ZNF532: variants seen among roughly 807,000 people sequenced by gnomAD.
ZNF532 encodes zinc finger protein 532.
A neutral mutation model predicts 89.3 loss-of-function variants in ZNF532; 22 were observed. The observed-to-expected ratio is 0.25, with a 90% confidence interval of 0.18 to 0.35. ZNF532 has a LOEUF of 0.35. ZNF532 is among the 10% of genes least tolerant of loss of function. The probability of loss-of-function intolerance (pLI) is 1.00; values close to 1 mark genes in which losing one functional copy is unlikely to be tolerated. For synonymous variants in ZNF532, 606 were observed against 649.6 expected (o/e 0.93, Z 1.02); for missense variants, 1,132 against 1,643.4 (o/e 0.69, Z 5.38).
At chr18:58,980,188 G>C (rs1266082575) in intron 8 of ZNF532, 2 of 152,208 alleles carry the variant, frequency 1.3e-5, no homozygotes, top group African/African-American at 4.8e-5. Context: ...GGAATCATCT[G>C]ATTCAGTGAA....
chr18:58,888,519 A>G (rs923291461), intron 2 of ZNF532, among the ~76,000 whole-genome samples: 1 of 149,846 alleles, frequency 6.7e-6, no homozygotes, highest in African/African-American at 2.5e-5. Context: ...CTACAAAAAT[A>G]CAAAAAATTA....
At chr18:58,969,193 C>T (rs1257558869) in intron 7 of ZNF532, among the ~76,000 whole-genome samples, 1 of 152,130 alleles carries the variant, frequency 6.6e-6, no homozygotes, top group Non-Finnish European at 1.5e-5. Flanking sequence ...GTGAGCTTTT[C>T]CACAGCCACC....
chr18:58,974,337 CTTA>C (rs1173993249), intron 7 of ZNF532, among the ~76,000 whole-genome samples: 2 of 152,266 alleles, frequency 1.3e-5, no homozygotes, highest in East Asian at 3.9e-4. Flanking sequence ...ACTTTCTCCG[CTTA>C]GTAGTTATGG....
intron 9 of ZNF532, among the ~76,000 whole-genome samples, chr18:58,982,762 G>A (rs2067958859): frequency 6.6e-6 from 1 of 152,122 alleles, no homozygotes; most frequent in South Asian, 2.1e-4. Flanking sequence ...CAGAATATAA[G>A]TCAGACTGAT....
At chr18:58,902,488 TCTC>T (rs1313100758) in intron 2 of ZNF532, among the ~76,000 whole-genome samples, 7 of 151,746 alleles carry the variant, frequency 4.6e-5, no homozygotes, top group Non-Finnish European at 1.0e-4. Context: ...AGGTGACCCT[TCTC>T]CTTCTTTTTT....
At chr18:58,940,985 C>G (rs1327474054) in intron 5 of ZNF532, among the ~76,000 whole-genome samples, 1 of 150,076 alleles carries the variant, frequency 6.7e-6, no homozygotes, top group Non-Finnish European at 1.5e-5. Flanking sequence ...CTCTCTCTCT[C>G]TCTCTCCTGG....
At position 58,920,609 on chromosome 18, in the gene ZNF532, G is replaced by T; in HGVS notation, c.2322G>T (p.Gln774His). 4.4e-6 allele frequency: 7 copies of T among 1,594,262 alleles called. No individual in the cohort carries two copies. Among genetic ancestry groups the T allele is most frequent in the Non-Finnish European group, 6.0e-6 (7 of 1,167,072 alleles). ...QDETSLATHF[Q>H]QAADTSGQKT... is the part of the protein sequence containing the mutation. Reference sequence around the variant, plus strand: ...AGACATCACTGGCTACACATTTCCAGCAGGCTGCAGATACGAGTGGACAAG... The same window carrying T: ...AGACATCACTGGCTACACATTTCCATCAGGCTGCAGATACGAGTGGACAAG... The change falls in exon 3 of 10, where the codon CAG becomes CAT. Residue 774 changes from glutamine to histidine, a missense_variant. By Grantham distance (24) the Gln-to-His change is conservative. This residue lies in a region of ZNF532 where 100 missense variants were observed against 122.0 expected (regional missense o/e 0.82). Transcript: ENST00000591808.
chr18:58,944,017 A>G (rs2146799645), intron 5 of ZNF532, among the ~76,000 whole-genome samples: 1 of 152,324 alleles, frequency 6.6e-6, no homozygotes, highest in East Asian at 1.9e-4. Flanking sequence ...TTTGAACTTT[A>G]GCCCTAGAAT....
intron 5 of ZNF532, among the ~76,000 whole-genome samples, chr18:58,942,094 C>A (rs529370640): frequency 6.7e-6 from 1 of 150,166 alleles, no homozygotes; most frequent in Non-Finnish European, 1.5e-5. Flanking sequence ...ACGATCTCAG[C>A]TCACTGCAAG....
chr18:58,950,474 TG>T (rs1407529674), intron 6 of ZNF532, among the ~76,000 whole-genome samples: 1 of 151,578 alleles, frequency 6.6e-6, no homozygotes, highest in African/African-American at 2.4e-5. Context: ...AGGGGCATAC[TG>T]TTTTTTTTTT....
At chr18:58,891,525 C>G (rs1174401287) in intron 2 of ZNF532, among the ~76,000 whole-genome samples, 1 of 151,990 alleles carries the variant, frequency 6.6e-6, no homozygotes, top group East Asian at 1.9e-4. Context: ...GAGAAACTGT[C>G]TCAAAAATGA....
intron 6 of ZNF532, among the ~76,000 whole-genome samples, chr18:58,951,646 G>GTTTTTTTTTTTGGTTTT (rs760650267): frequency 6.9e-5 from 5 of 72,598 alleles, no homozygotes; most frequent in Non-Finnish European, 7.1e-5. Context: ...TCGCCCTGTT[G>GTTTTTTTTTTTGGTTTT]TTTTTTTTTT....
Position 58,919,679 on chromosome 18 carries a change from A to G in ZNF532, c.1392A>G (p.Gln464=). The G allele has an allele frequency of 1.2e-6, 2 of 1,613,738 alleles. No individual in the cohort carries two copies. The highest frequency in any genetic ancestry group is 1.7e-6 in the Non-Finnish European group (2 of 1,179,896). The change falls in exon 3 of 10, where the codon CAA becomes CAG. Residue 464 remains glutamine, a synonymous_variant. Transcript: ENST00000591808. The surrounding 1 kb of genome is among the most constrained non-coding windows in gnomAD (Gnocchi z 6.1). ...CTGCTGTGAAGACGGCAGGATCCCA[A>G]GTCATTAATTTGAAGCTCGCTAACA... ...PVSAVKTAGS[Q]VINLKLANNT...
chr18:58,884,979 G>GTTTTTTTTTTTTTTTTTTTTT (rs34689408), intron 2 of ZNF532, among the ~76,000 whole-genome samples: 3 of 138,104 alleles, frequency 2.2e-5, no homozygotes, highest in Non-Finnish European at 3.1e-5. Flanking sequence ...CAGTACAAGG[G>GTTTTTTTTTTTTTTTTTTTTT]TTTTTTTTTT....
chr18:58,981,265 C>A (rs753629109), intron 8 of ZNF532: 11 of 613,510 alleles, frequency 1.8e-5, no homozygotes, highest in Non-Finnish European at 2.6e-5. Context: ...CAATATTTTC[C>A]CTTTAAAATT....
chr18:58,914,794 AT>A (rs1394468616), intron 2 of ZNF532, among the ~76,000 whole-genome samples: 1 of 152,242 alleles, frequency 6.6e-6, no homozygotes, highest in African/African-American at 2.4e-5. Context: ...CTGTTTGAAA[AT>A]CAAACTGTTG....
At chr18:58,882,512 G>C (rs185582607) in intron 2 of ZNF532, among the ~76,000 whole-genome samples, 1 of 152,328 alleles carries the variant, frequency 6.6e-6, no homozygotes, top group African/African-American at 2.4e-5. Context: ...TCTGATCTCC[G>C]CTCATGGCAG....
intron 2 of ZNF532, among the ~76,000 whole-genome samples, chr18:58,894,687 C>A (rs2059135561): frequency 6.6e-6 from 1 of 152,094 alleles, no homozygotes; most frequent in Non-Finnish European, 1.5e-5. Flanking sequence ...CTTTTATGCA[C>A]CTTGTTTTCA....
chr18:58,939,367 G>C lies in ZNF532; in HGVS notation c.2529-78G>C, dbSNP rs539302872. Reference sequence around the variant, plus strand: ...AAACCTAAAAGGGCTATGAAAGTGTGTTCATCTCACCCAGTTTTTGCAGTT... The same window carrying C: ...AAACCTAAAAGGGCTATGAAAGTGTCTTCATCTCACCCAGTTTTTGCAGTT... On this transcript the variant is annotated intron_variant, in intron 4 of 9. Coordinates refer to ENST00000591808, the MANE Select transcript of ZNF532 (RefSeq NM_001375912.1). 3 of 1,261,098 alleles carry C rather than the reference G, an allele frequency of 2.4e-6. No individual in the cohort carries two copies. The South Asian group carries it at 5.1e-5, about 21-fold the overall frequency. The allele number at this position is 1,261,098 out of a possible 1,614,324, so 78.1% of individuals were successfully genotyped here. A position where few individuals can be genotyped will look rare whatever the true frequency, so the allele number is the denominator to read the frequency against.
Sources: allele counts gnomAD v4.1 joint callset (sites outside exome capture counted in the v4.1 genomes callset), GRCh38; gene constraint gnomAD v4.1.1; regional missense constraint gnomAD v4.1.1; non-coding constraint Gnocchi (gnomAD v3.1); transcripts MANE v1.5; gene names NCBI Gene and HGNC (gene_info 2026-07-23, HGNC 2026-07-21).